TRAK2: variants seen among roughly 807,000 people sequenced by gnomAD.
The protein encoded by TRAK2 is trafficking kinesin-binding protein 2.
A neutral mutation model predicts 104.6 loss-of-function variants in TRAK2; 81 were observed. The ratio of observed to expected loss-of-function variants is 0.77; its 90% CI spans 0.65 to 0.93. The LOEUF is 0.93. TRAK2 is among the 40% of genes least tolerant of loss of function. The probability of loss-of-function intolerance (pLI) is 0.00; values close to 1 mark genes in which losing one functional copy is unlikely to be tolerated. For synonymous variants in TRAK2, 406 were observed against 394.4 expected (o/e 1.03, Z -0.35); for missense variants, 1,002 against 1,089.0 (o/e 0.92, Z 1.12).
Position 201,407,481 on chromosome 2 carries a change from T to C in TRAK2, c.208A>G (p.Thr70Ala), listed in dbSNP as rs1261708098. 5 of 1,613,716 alleles carry C rather than the reference T, an allele frequency of 3.1e-6. No individual in the cohort carries two copies. The African/African-American group carries it at 6.7e-5, about 22-fold the overall frequency. Residue 70 changes from threonine to alanine, a missense_variant, in exon 3 of 16, where the codon ACT (threonine) becomes GCT (alanine). Coordinates refer to ENST00000332624, the MANE Select transcript of TRAK2 (RefSeq NM_015049.3). ...TGCTGCCGCTGGTGTGGAGACTGAG[T>C]CCAGTCTTGATTTTCATATAGAAAG... ...TLFLYENQDW[T>A]QSPHQRQHAS...
At chr2:201,439,650 G>A (rs946236245) in intron 1 of TRAK2, among the ~76,000 whole-genome samples, 2 of 151,930 alleles carry the variant, frequency 1.3e-5, no homozygotes, top group Non-Finnish European at 1.5e-5. Flanking sequence ...TCTGGGTGGT[G>A]TAGCCAAGAT....
At position 201,447,521 on chromosome 2, in the gene TRAK2, G is replaced by A. The variant is rs1951973473; in HGVS notation, c.-200+3829C>T. 6.6e-6 allele frequency among the ~76,000 whole-genome samples: 1 copy of A among 152,172 alleles called. No homozygotes were observed. The highest frequency in any genetic ancestry group is 2.1e-4 in the South Asian group (1 of 4,836). ...AAGTCCAAAATCAAGGTGTTGGCAG[G>A]TTGGTTTCTCCTGAGGCCTCTCTCC... On this transcript the variant is annotated intron_variant, in intron 1 of 15. Coordinates refer to ENST00000332624, the MANE Select transcript of TRAK2 (RefSeq NM_015049.3). This position sits in a 1 kb window ranked among gnomAD's most constrained non-coding sequence, Gnocchi z 4.1.
At chr2:201,386,544 A>C in intron 13 of TRAK2, 60 bp from the exon 14 acceptor site, 2 of 1,575,132 alleles carry the variant, frequency 1.3e-6, no homozygotes, top group Non-Finnish European at 1.7e-6. Context: ...CAAATCTTAA[A>C]ACACAAGCTA....
intron 10 of TRAK2, among the ~76,000 whole-genome samples, chr2:201,390,277 G>T (rs1209235388): frequency 2.0e-5 from 3 of 151,674 alleles, no homozygotes; most frequent in Non-Finnish European, 4.4e-5. Context: ...GGGTGCGGTG[G>T]CTCACACCTG....
intron 14 of TRAK2, among the ~76,000 whole-genome samples, chr2:201,385,474 C>T (rs1031445948): frequency 3.9e-5 from 6 of 152,096 alleles, no homozygotes; most frequent in Non-Finnish European, 7.4e-5. Context: ...CCACACCCAG[C>T]CTGACCAATG....
chr2:201,441,352 A>G (rs1429821496), intron 1 of TRAK2, among the ~76,000 whole-genome samples: 1 of 152,230 alleles, frequency 6.6e-6, no homozygotes, highest in Non-Finnish European at 1.5e-5. Context: ...GTTTTATCAC[A>G]ATTTCCACTA....
Position 201,398,334 on chromosome 2 carries a change from C to T in TRAK2, c.501G>A (p.Glu167=). Residue 167 remains glutamate (E), a synonymous_variant, in exon 6 of 16, where the codon GAG becomes GAA. Transcript: ENST00000332624. ...AFDQVNQLQH[E]LCKKDELLRI... is the part of the protein sequence containing the mutation. ...GAAGTAACTCATCTTTCTTGCATAGCTCATGCTGCAGCTGATTAACCTGTC... is the reference window on the plus strand; with the variant it reads ...GAAGTAACTCATCTTTCTTGCATAGTTCATGCTGCAGCTGATTAACCTGTC... 1.9e-6 allele frequency: 3 copies of T among 1,613,456 alleles called. No individual in the cohort carries two copies. Among genetic ancestry groups the T allele is most frequent in the Non-Finnish European group, 2.5e-6 (3 of 1,179,560 alleles).
intron 2 of TRAK2, chr2:201,412,466 C>G: frequency 8.6e-7 from 1 of 1,162,236 alleles, no homozygotes; most frequent in Non-Finnish European, 1.3e-6. Context: ...CTCAACTGAT[C>G]CAACTGCCTA....
chr2:201,423,964 A>G (rs1951764777), intron 1 of TRAK2, among the ~76,000 whole-genome samples: 1 of 152,222 alleles, frequency 6.6e-6, no homozygotes, highest in Admixed American at 6.5e-5. Flanking sequence ...ACTCTAATAT[A>G]TTAACTCAGA....
intron 1 of TRAK2, among the ~76,000 whole-genome samples, chr2:201,421,837 TAA>T (rs1951743449): frequency 6.6e-6 from 1 of 151,928 alleles, no homozygotes; most frequent in South Asian, 2.1e-4. Flanking sequence ...TCACTTGAGG[TAA>T]GGGGTTCCAG....
intron 1 of TRAK2, among the ~76,000 whole-genome samples, chr2:201,421,825 GA>G (rs1951743380): frequency 6.6e-6 from 1 of 151,930 alleles, no homozygotes; most frequent in East Asian, 1.9e-4. Flanking sequence ...GAGGTGGGCC[GA>G]TCACTTGAGG....
At position 201,407,489 on chromosome 2, in the gene TRAK2, T is replaced by C; in HGVS notation, c.200A>G (p.Gln67Arg). 1 of 1,614,154 alleles carries C rather than the reference T, an allele frequency of 6.2e-7. No individual in the cohort carries two copies. Among genetic ancestry groups the C allele is most frequent in the Non-Finnish European group, 8.5e-7 (1 of 1,179,990 alleles). ...CTGGTGTGGAGACTGAGTCCAGTCTTGATTTTCATATAGAAAGAGAGTGTC... is the reference window on the plus strand; with the variant it reads ...CTGGTGTGGAGACTGAGTCCAGTCTCGATTTTCATATAGAAAGAGAGTGTC... The part of the protein sequence containing the change: ...KVDTLFLYEN[Q>R]DWTQSPHQRQ... Residue 67 changes from glutamine (Q) to arginine (R), a missense_variant, in exon 3 of 16, where the codon CAA (glutamine) becomes CGA (arginine). Coordinates refer to ENST00000332624, the MANE Select transcript of TRAK2 (RefSeq NM_015049.3).
Position 201,398,226 on chromosome 2 carries a change from T to C in TRAK2, c.609A>G (p.Leu203=). The C allele has an allele frequency of 1.9e-6, 3 of 1,613,778 alleles. No homozygotes were observed. The highest frequency in any genetic ancestry group is 1.7e-5 in the Admixed American group (1 of 59,988). ...TTTCCAACTGCAGCAACCCTTGAGATAAGCTAAAGGACTCATTGAACCGAA... is the reference window on the plus strand; with the variant it reads ...TTTCCAACTGCAGCAACCCTTGAGACAAGCTAAAGGACTCATTGAACCGAA... ...TPLRFNESFS[L]SQGLLQLEML... Residue 203 remains leucine, a synonymous_variant, in exon 6 of 16, where the codon TTA becomes TTG. Transcript: ENST00000332624.
At chr2:201,413,176 G>A in intron 2 of TRAK2, 1 of 1,508,978 alleles carries the variant, frequency 6.6e-7, no homozygotes, top group Non-Finnish European at 9.2e-7. Context: ...TTCCAAGCTA[G>A]CCCACTGCCA....
intron 2 of TRAK2, among the ~76,000 whole-genome samples, chr2:201,420,096 T>C (rs1951726867): frequency 6.6e-6 from 1 of 152,204 alleles, no homozygotes; most frequent in Non-Finnish European, 1.5e-5. Flanking sequence ...GCATTGTTGT[T>C]AGGTACCTGC....
intron 2 of TRAK2, among the ~76,000 whole-genome samples, chr2:201,415,482 G>T (rs952307925): frequency 1.3e-5 from 2 of 152,060 alleles, no homozygotes; most frequent in African/African-American, 4.8e-5. Context: ...TTTTTAATAT[G>T]CTCAAAGATT....
chr2:201,420,315 G>C (rs948139428), intron 2 of TRAK2, 102 bp downstream of exon 2: 1 of 919,814 alleles, frequency 1.1e-6, no homozygotes, highest in Non-Finnish European at 1.7e-6. Context: ...ACTAGAAAGG[G>C]AGGCTTGGGT....
intron 1 of TRAK2, among the ~76,000 whole-genome samples, chr2:201,428,823 T>C (rs1463338184): frequency 6.6e-6 from 1 of 152,232 alleles, no homozygotes; most frequent in Admixed American, 6.5e-5. Flanking sequence ...TTCCATTTGT[T>C]TGTGTCCTCT....
At chr2:201,441,696 TA>T (rs1490199882) in intron 1 of TRAK2, among the ~76,000 whole-genome samples, 2 of 150,926 alleles carry the variant, frequency 1.3e-5, no homozygotes, top group South Asian at 4.2e-4. Flanking sequence ...TTTTTTTTTT[TA>T]ATTTTCTCCC....
Sources: allele counts gnomAD v4.1 joint callset (sites outside exome capture counted in the v4.1 genomes callset), GRCh38; gene constraint gnomAD v4.1.1; non-coding constraint Gnocchi (gnomAD v3.1); transcripts MANE v1.5; gene names NCBI Gene and HGNC (gene_info 2026-07-23, HGNC 2026-07-21).